The following MLXIP variants were observed in gnomAD, a reference collection of about 807,000 sequenced individuals.
MLXIP encodes MLX-interacting protein.
A neutral mutation model predicts 87.2 loss-of-function variants in MLXIP; 30 were observed. That is an observed-to-expected ratio of 0.34 (90% CI 0.26 to 0.47). The LOEUF (loss-of-function observed/expected upper bound fraction) is 0.47, where lower values mean the gene tolerates loss of function less well. Among genes scored for constraint, MLXIP ranks in the 20% least tolerant of loss-of-function variants. The pLI is 1.00. For synonymous variants in MLXIP, 530 were observed against 514.0 expected, an observed-to-expected ratio of 1.03 and a Z score of -0.42; for missense variants, 1,002 against 1,240.1, an observed-to-expected ratio of 0.81 and a Z score of 2.88.
chr12:122,135,122 G>A lies in MLXIP; in HGVS notation c.1733-102G>A. 1.4e-6 allele frequency: 2 copies of A among 1,446,118 alleles called. No homozygotes were observed. The highest frequency in any genetic ancestry group is 1.9e-6 in the Non-Finnish European group (2 of 1,052,086). 89.6% of individuals were successfully genotyped at this position (1,446,118 alleles called of 1,614,324 possible). ...GTGGCTTTGTCTTCCTGTCCCCTGG[G>A]GTTGAGAACAAGCTGTCTCACTGGC... On this transcript the variant is annotated intron_variant, in intron 9 of 16. Coordinates refer to ENST00000319080, the MANE Select transcript of MLXIP (RefSeq NM_014938.6). The surrounding 1 kb of genome is among the most constrained non-coding windows in gnomAD (Gnocchi z 5.3).
chr12:122,108,091 C>A (rs1040370746), intron 1 of MLXIP, among the ~76,000 whole-genome samples: 7 of 151,884 alleles, frequency 4.6e-5, no homozygotes, highest in Admixed American at 3.9e-4. Flanking sequence ...GAATCAGGGC[C>A]GAAAGGGGTG....
chr12:122,133,719 C>G lies in MLXIP; in HGVS notation c.1464C>G (p.Ala488=), dbSNP rs904311312. Residue 488 remains alanine, a synonymous_variant, in exon 9 of 17, where the codon GCC becomes GCG. Coordinates refer to ENST00000319080, the MANE Select transcript of MLXIP (RefSeq NM_014938.6). This position sits in a 1 kb window ranked among gnomAD's most constrained non-coding sequence, Gnocchi z 4.9. ...NKAPSVITHT[A]SATLTHDAPA... is the part of the protein sequence containing the mutation. ...CGCCGTCTGTCATCACCCACACGGC[C>G]TCTGCCACCCTCACCCACGATGCCC... The G allele has an allele frequency of 2.0e-5, 33 of 1,613,620 alleles. No homozygotes were observed. Among genetic ancestry groups the G allele is most frequent in the Non-Finnish European group, 2.7e-5 (32 of 1,179,840 alleles).
intron 1 of MLXIP, among the ~76,000 whole-genome samples, chr12:122,125,090 C>T (rs1268498355): frequency 6.6e-6 from 1 of 152,204 alleles, no homozygotes; most frequent in Non-Finnish European, 1.5e-5. Flanking sequence ...CACTTGAACC[C>T]GGGAGGCAGA....
intron 1 of MLXIP, among the ~76,000 whole-genome samples, chr12:122,106,819 C>A (rs149515848): frequency 0.01 from 1,583 of 152,120 alleles, 32 homozygotes; most frequent in African/African-American, 0.035. Context: ...CCAGGCTGGT[C>A]TCAAACTCCT....
At position 122,078,958 on chromosome 12, in the gene MLXIP, G is replaced by T. The variant is rs1186488910; in HGVS notation, c.105G>T (p.Thr35=). The change falls in exon 1 of 17, where the codon ACG becomes ACT. Residue 35 remains threonine (T), a synonymous_variant. Coordinates refer to ENST00000319080, the MANE Select transcript of MLXIP (RefSeq NM_014938.6). The part of the protein sequence containing the change: ...QVSEDDDDSD[T]DEPSPPPASG... The stretch of plus-strand genomic sequence containing the variant: ...CCGAGGACGACGACGACTCGGACAC[G>T]GATGAGCCGTCCCCGCCGCCCGCCT... 9.1e-7 allele frequency: 1 copy of T among 1,101,898 alleles called. No homozygotes were observed. The highest frequency in any genetic ancestry group is 1.1e-6 in the Non-Finnish European group (1 of 899,740). 68.3% of individuals were successfully genotyped at this position (1,101,898 alleles called of 1,614,324 possible). A position where few individuals can be genotyped will look rare whatever the true frequency, so the allele number is the denominator to read the frequency against.
intron 1 of MLXIP, among the ~76,000 whole-genome samples, chr12:122,125,224 C>T (rs191692207): frequency 9.9e-5 from 15 of 151,680 alleles, no homozygotes; most frequent in Non-Finnish European, 4.4e-5. Flanking sequence ...CCCAGCTACT[C>T]GGTTGGCTGA....
intron 1 of MLXIP, among the ~76,000 whole-genome samples, chr12:122,112,200 A>G (rs775824622): frequency 3.3e-5 from 5 of 152,242 alleles, no homozygotes; most frequent in Non-Finnish European, 7.3e-5. Flanking sequence ...GATGCAACAT[A>G]TGTTCAGAGA....
intron 1 of MLXIP, among the ~76,000 whole-genome samples, chr12:122,119,164 T>C (rs1456760879): frequency 6.7e-6 from 1 of 150,342 alleles, no homozygotes; most frequent in African/African-American, 2.5e-5. Context: ...TGAGACTCTG[T>C]CTCAAAAAAA....
chr12:122,130,753 A>T lies in MLXIP; in HGVS notation c.911-91A>T, dbSNP rs1366626401. The T allele has an allele frequency of 4.6e-6, 4 of 876,836 alleles. No individual in the cohort carries two copies. The African/African-American group carries it at 4.9e-5, about 11-fold the overall frequency. The allele number at this position is 876,836 out of a possible 1,614,324, so 54.3% of individuals were successfully genotyped here. A position where few individuals can be genotyped will look rare whatever the true frequency, so the allele number is the denominator to read the frequency against. On this transcript the variant is annotated intron_variant, in intron 6 of 16. Transcript: ENST00000319080. The stretch of plus-strand genomic sequence containing the variant: ...CCTTGGAAGACTCTGGGATGTGAGC[A>T]GGGCCAGGAAGTTCTGTTCCAGGCC...
At chr12:122,092,332 C>G (rs1952258172) in intron 1 of MLXIP, among the ~76,000 whole-genome samples, 1 of 152,150 alleles carries the variant, frequency 6.6e-6, no homozygotes, top group Non-Finnish European at 1.5e-5. Flanking sequence ...CTCCCAAGCT[C>G]TAGCAACTCA....
chr12:122,126,714 A>G (rs1565980233), intron 1 of MLXIP, among the ~76,000 whole-genome samples: 1 of 152,154 alleles, frequency 6.6e-6, no homozygotes, highest in African/African-American at 2.4e-5. Context: ...AGGATATGCC[A>G]AAGTAGACGG....
chr12:122,079,344 C>T, intron 1 of MLXIP, 78 bp downstream of exon 1: 1 of 1,288,430 alleles, frequency 7.8e-7, no homozygotes, highest in Non-Finnish European at 1.1e-6. Context: ...GAAGGGCCGC[C>T]TGGCAACCCC....
intron 1 of MLXIP, among the ~76,000 whole-genome samples, chr12:122,103,942 G>T (rs149143326): frequency 1.3e-5 from 2 of 151,458 alleles, no homozygotes; most frequent in Non-Finnish European, 2.9e-5. Context: ...CCCAAAGTGC[G>T]GAGATTACAA....
intron 1 of MLXIP, among the ~76,000 whole-genome samples, chr12:122,108,367 CAAAAA>C (rs61424369): frequency 7.5e-5 from 6 of 80,530 alleles, no homozygotes; most frequent in Non-Finnish European, 1.5e-4. Context: ...GACTCCATCT[CAAAAA>C]AAAAAAAAAA....
intron 1 of MLXIP, among the ~76,000 whole-genome samples, chr12:122,097,356 C>T (rs1025473811): frequency 6.6e-6 from 1 of 152,124 alleles, no homozygotes; most frequent in Non-Finnish European, 1.5e-5. Context: ...TTTGGTGGCT[C>T]ACGCCTGTAA....
At chr12:122,140,534 TTCAC>T (rs1397041080) in intron 15 of MLXIP, among the ~76,000 whole-genome samples, 1 of 152,106 alleles carries the variant, frequency 6.6e-6, no homozygotes, top group Non-Finnish European at 1.5e-5. Flanking sequence ...CCTCAAGTGA[TTCAC>T]CCACCTCAGC....
At chr12:122,110,522 G>C (rs186718125) in intron 1 of MLXIP, among the ~76,000 whole-genome samples, 1 of 151,908 alleles carries the variant, frequency 6.6e-6, no homozygotes, top group African/African-American at 2.4e-5. Context: ...CCCAACCTCA[G>C]GTGATCCACC....
At chr12:122,107,809 T>TG (rs1393737240) in intron 1 of MLXIP, among the ~76,000 whole-genome samples, 1 of 151,852 alleles carries the variant, frequency 6.6e-6, no homozygotes, top group Non-Finnish European at 1.5e-5. Flanking sequence ...AAGGGGGATT[T>TG]GGGGGGACAT....
intron 1 of MLXIP, among the ~76,000 whole-genome samples, chr12:122,111,076 CAA>C (rs56017387): frequency 6.6e-4 from 86 of 129,728 alleles, no homozygotes; most frequent in Middle Eastern, 3.9e-3. Context: ...GACTCTGTCT[CAA>C]AAAAAAAAAA....
Sources: gnomAD v4.1 joint callset for allele counts (sites outside exome capture counted in the v4.1 genomes callset) on GRCh38, gnomAD v4.1.1 for gene constraint, Gnocchi (gnomAD v3.1) non-coding constraint, MANE v1.5 for transcripts, NCBI Gene and HGNC (gene_info 2026-07-23, HGNC 2026-07-21) for gene names.